SPDYE17: variants seen among roughly 807,000 people sequenced by gnomAD.
The protein encoded by SPDYE17 is speedy/RINGO cell cycle regulator family member E17.
For missense variants in SPDYE17, 7 were observed against 38.0 expected, an observed-to-expected ratio of 0.18 and a Z score of 2.15; for synonymous variants, 4 against 14.8, an observed-to-expected ratio of 0.27 and a Z score of 1.68.
At chr7:77,025,477 G>C (rs1433224582) in intron 5 of SPDYE17, 7 of 231,870 alleles carry the variant, frequency 3.0e-5, no homozygotes, top group Non-Finnish European at 5.4e-5. Flanking sequence ...GCCAGACGTG[G>C]CTCATGCCTG....
Position 77,023,683 on chromosome 7 carries a change from CT to C in SPDYE17, c.*149del. The C allele has an allele frequency of 1.8e-6, 1 of 566,184 alleles. No individual in the cohort carries two copies. The highest frequency in any genetic ancestry group is 2.2e-6 in the Non-Finnish European group (1 of 456,912). 35.1% of individuals were successfully genotyped at this position (566,184 alleles called of 1,614,324 possible). A position where few individuals can be genotyped will look rare whatever the true frequency, so the allele number is the denominator to read the frequency against. On this transcript the variant is annotated 3_prime_UTR_variant, in exon 8 of 8. Transcript: ENST00000671986. ...TCCATCAAGAATGGTCCAGGTTCTT[CT>C]AGATGATCTGCACAAATGGTTCCTC...
intron 4 of SPDYE17, among the ~76,000 whole-genome samples, chr7:77,027,919 C>T (rs1488712699): frequency 7.6e-6 from 1 of 130,728 alleles, no homozygotes; most frequent in Non-Finnish European, 1.6e-5. Context: ...CGCTTGAACC[C>T]AGGAGGCATC....
chr7:77,029,838 C>T lies in SPDYE17; in HGVS notation c.131-387G>A, dbSNP rs1410499829. The stretch of plus-strand genomic sequence containing the variant: ...TCTCCTGCCTCAGCCTCTCAGGTAG[C>T]TGGGATTACAGGTGCCTGCCATAAT... On this transcript the variant is annotated intron_variant, in intron 2 of 7. Transcript: ENST00000671986. 7.0e-5 allele frequency among the ~76,000 whole-genome samples: 9 copies of T among 128,152 alleles called. 3 individuals are homozygous for T. Among genetic ancestry groups the T allele is most frequent in the African/African-American group, 2.5e-4 (9 of 35,722 alleles). 84.1% of individuals were successfully genotyped at this position (128,152 alleles called of 152,430 possible). A position where few individuals can be genotyped will look rare whatever the true frequency, so the allele number is the denominator to read the frequency against.
intron 2 of SPDYE17, among the ~76,000 whole-genome samples, chr7:77,030,078 TTC>T (rs1432088909): frequency 1.4e-5 from 1 of 70,526 alleles, no homozygotes; most frequent in African/African-American, 1.1e-4. Flanking sequence ...CTTTTGTTTC[TTC>T]TTTTTTTTTT....
At chr7:77,026,650 G>A (rs1187285188) in intron 5 of SPDYE17, among the ~76,000 whole-genome samples, 179 bp downstream of exon 5, 3 of 124,870 alleles carry the variant, frequency 2.4e-5, no homozygotes, top group Admixed American at 9.5e-5. Context: ...GCGGTTCATG[G>A]TTCCTTTTGT....
chr7:77,026,517 C>G (rs904708376), intron 5 of SPDYE17, among the ~76,000 whole-genome samples: 1 of 150,064 alleles, frequency 6.7e-6, no homozygotes, highest in Admixed American at 6.8e-5. Flanking sequence ...CACGGGAACC[C>G]GGAGGAGGCT....
chr7:77,031,848 T>C (rs1789494526), intron 1 of SPDYE17, among the ~76,000 whole-genome samples: 1 of 48,014 alleles, frequency 2.1e-5, no homozygotes, highest in Non-Finnish European at 3.3e-5. Flanking sequence ...AGCAAGACCT[T>C]GTGTCAAAAA....
chr7:77,028,005 A>C lies in SPDYE17; in HGVS notation c.408+137T>G, dbSNP rs1477276243. The C allele has an allele frequency of 4.0e-5, 26 of 652,958 alleles. 3 individuals carry two copies. The highest frequency in any genetic ancestry group is 5.5e-5 in the Non-Finnish European group (24 of 435,110). 40.4% of individuals were successfully genotyped at this position (652,958 alleles called of 1,614,324 possible). On this transcript the variant is annotated intron_variant, in intron 4 of 7. Transcript: ENST00000671986. ...GCAAGACTGTGTCTCACAAAAAAAA[A>C]CAAAAACAAAAACAAAAAAAAACTG...
At chr7:77,031,886 T>C in intron 1 of SPDYE17, among the ~76,000 whole-genome samples, 1 of 51,320 alleles carries the variant, frequency 1.9e-5, no homozygotes, top group Non-Finnish European at 3.1e-5. Flanking sequence ...ATAAAAGAGT[T>C]TCATGACATT....
chr7:77,030,073 G>T (rs867242443), intron 2 of SPDYE17, among the ~76,000 whole-genome samples: 40 of 70,812 alleles, frequency 5.6e-4, no homozygotes, highest in African/African-American at 1.1e-3. Context: ...CCCTTCTTTT[G>T]TTTCTTCTTT....
intron 4 of SPDYE17, among the ~76,000 whole-genome samples, chr7:77,027,687 G>T (rs1223080413): frequency 3.5e-5 from 4 of 113,258 alleles, no homozygotes. Context: ...AAAATGTGTG[G>T]GTGCCAAGAC....
At chr7:77,025,844 T>C in intron 5 of SPDYE17, 1 of 144,638 alleles carries the variant, frequency 6.9e-6, no homozygotes, top group Non-Finnish European at 1.5e-5. Context: ...GGTGGGAGGA[T>C]CGCTTGAGCC....
rs1297800950 is a variant in SPDYE17 at position 77,029,250 on chromosome 7, G to A, written c.332C>T (p.Ala111Val). 15 of 68,590 alleles carry A rather than the reference G, an allele frequency of 2.2e-4. No individual in the cohort carries two copies. The East Asian group carries it at 7.5e-3, about 34-fold the overall frequency. 4.2% of individuals were successfully genotyped at this position (68,590 alleles called of 1,614,324 possible). ...VSLVLPEYYE[A>V]FNRLLEDPVI... The stretch of plus-strand genomic sequence containing the variant: ...CCTCCTACCAAGCAGCCTGTTGAAG[G>A]CCTCGTAGTACTCAGGGAGCACGAG... Residue 111 changes from alanine to valine, a missense_variant, in exon 3 of 8, where the codon GCC becomes GTC. Coordinates refer to ENST00000671986, the MANE Select transcript of SPDYE17 (RefSeq NM_001351351.3).
At chr7:77,026,989 G>C in intron 4 of SPDYE17, 75 bp from the exon 5 acceptor site, 1 of 433,798 alleles carries the variant, frequency 2.3e-6, no homozygotes, top group East Asian at 5.9e-5. Context: ...TAGTGGAATG[G>C]GGGTCTGGGG....
Position 77,028,286 on chromosome 7 carries a change from C to T in SPDYE17, c.350-86G>A, listed in dbSNP as rs1229126582. On this transcript the variant is annotated intron_variant, in intron 3 of 7. Coordinates refer to ENST00000671986, the MANE Select transcript of SPDYE17 (RefSeq NM_001351351.3). The stretch of plus-strand genomic sequence containing the variant: ...GGGCAGCGAGGAGAAGTGTGCCTCC[C>T]GGGGGAAAGTCTCAGGATTGTGGCT... The T allele has an allele frequency of 3.0e-5, 32 of 1,049,960 alleles. 3 individuals carry two copies. Among genetic ancestry groups the T allele is most frequent in the African/African-American group, 2.5e-4 (11 of 43,710 alleles). 65.0% of individuals were successfully genotyped at this position (1,049,960 alleles called of 1,614,324 possible).
Position 77,028,103 on chromosome 7 carries a change from G to T in SPDYE17, c.408+39C>A. The T allele has an allele frequency of 2.2e-6, 3 of 1,379,578 alleles. 1 individual carries two copies. The highest frequency in any genetic ancestry group is 2.9e-5 in the African/African-American group (2 of 67,946). The allele number at this position is 1,379,578 out of a possible 1,614,324, so 85.5% of individuals were successfully genotyped here. ...AGCTGCGCCCTCTCCCTGGCCGTGC[G>T]TTAGAACAGGAACACAGTTACATAG... is the stretch of plus-strand genomic sequence containing the variant. On this transcript the variant is annotated intron_variant, in intron 4 of 7. Transcript: ENST00000671986.
intron 2 of SPDYE17, among the ~76,000 whole-genome samples, chr7:77,029,865 C>T (rs1308892697): frequency 7.8e-6 from 1 of 128,118 alleles, no homozygotes; most frequent in African/African-American, 2.8e-5. Context: ...TGCCATAATG[C>T]CCAGCTCAAT....
chr7:77,029,372 A>C lies in SPDYE17; in HGVS notation c.210T>G (p.Asp70Glu). The change falls in exon 3 of 8, where the codon GAT becomes GAG. Residue 70 changes from aspartate to glutamate, a missense_variant. Transcript: ENST00000671986. ...RKRECLDESD[D>E]EPEKELAPEP... is the part of the protein sequence containing the mutation. Reference sequence around the variant, plus strand: ...CAGGGGCGAGCTCCTTCTCTGGCTCATCATCAGATTCATCCAAACATTCCC... The same window carrying C: ...CAGGGGCGAGCTCCTTCTCTGGCTCCTCATCAGATTCATCCAAACATTCCC... 4 of 128,008 alleles carry C rather than the reference A, an allele frequency of 3.1e-5. No individual in the cohort carries two copies. Among genetic ancestry groups the C allele is most frequent in the Non-Finnish European group, 4.8e-5 (4 of 83,070 alleles). The allele number at this position is 128,008 out of a possible 1,614,324, so 7.9% of individuals were successfully genotyped here. A position where few individuals can be genotyped will look rare whatever the true frequency, so the allele number is the denominator to read the frequency against.
rs1490305485 is a variant in SPDYE17, at chr7:77,028,264, C to T, written c.350-64G>A. 2.0e-5 allele frequency: 21 copies of T among 1,057,744 alleles called. 4 individuals are homozygous for T. Among genetic ancestry groups the T allele is most frequent in the East Asian group, 1.0e-4 (2 of 19,350 alleles). 65.5% of individuals were successfully genotyped at this position (1,057,744 alleles called of 1,614,324 possible). A position where few individuals can be genotyped will look rare whatever the true frequency, so the allele number is the denominator to read the frequency against. Reference sequence around the variant, plus strand: ...CAGGGTTTCCCTGAGAGCAGCAGGGCAGCGAGGAGAAGTGTGCCTCCCGGG... The same window carrying T: ...CAGGGTTTCCCTGAGAGCAGCAGGGTAGCGAGGAGAAGTGTGCCTCCCGGG... On this transcript the variant is annotated intron_variant, in intron 3 of 7. Transcript: ENST00000671986.
Sources: gnomAD v4.1 joint callset for allele counts (sites outside exome capture counted in the v4.1 genomes callset) on GRCh38, gnomAD v4.1.1 for gene constraint, MANE v1.5 for transcripts, NCBI Gene and HGNC (gene_info 2026-07-23, HGNC 2026-07-21) for gene names.